NCAM2: variants seen among roughly 807,000 people sequenced by gnomAD.
NCAM2 encodes N-CAM-2.
A neutral mutation model predicts 98.1 loss-of-function variants in NCAM2; 30 were observed. The observed-to-expected ratio is 0.31, with a 90% confidence interval of 0.23 to 0.41. The LOEUF (loss-of-function observed/expected upper bound fraction) is 0.41, where lower values mean the gene tolerates loss of function less well. Ranked by LOEUF, NCAM2 falls within the 10% of genes least tolerant of loss-of-function variation. The pLI, the probability that NCAM2 is intolerant of heterozygous loss-of-function variation, is 1.00. For synonymous variants in NCAM2, 368 were observed against 342.4 expected (o/e 1.07, Z -0.83); for missense variants, 867 against 1,005.8 (o/e 0.86, Z 1.87).
intron 6 of NCAM2, among the ~76,000 whole-genome samples, chr21:21,331,134 T>A (rs879916163): frequency 6.6e-6 from 1 of 151,962 alleles, no homozygotes; most frequent in Non-Finnish European, 1.5e-5. Context: ...ACTGACTGAT[T>A]TTTCTCCCTC....
intron 5 of NCAM2, among the ~76,000 whole-genome samples, chr21:21,302,291 T>C (rs1282901060): frequency 2.0e-5 from 3 of 152,128 alleles, no homozygotes; most frequent in African/African-American, 7.2e-5. Flanking sequence ...TTAATTTTTG[T>C]ATCTGATGAA....
chr21:21,135,643 G>A (rs1253612721), intron 1 of NCAM2, among the ~76,000 whole-genome samples: 1 of 152,104 alleles, frequency 6.6e-6, no homozygotes, highest in Admixed American at 6.5e-5. Flanking sequence ...TCCTTGGAAT[G>A]CTTGTACTCT....
intron 1 of NCAM2, among the ~76,000 whole-genome samples, chr21:21,170,486 A>G (rs1432358602): frequency 2.6e-5 from 4 of 152,206 alleles, no homozygotes; most frequent in Admixed American, 6.5e-5. Flanking sequence ...CTACCTACAT[A>G]TGATTCCAAG....
At chr21:20,998,940 G>T (rs2146089632) in intron 1 of NCAM2, among the ~76,000 whole-genome samples, 1 of 152,078 alleles carries the variant, frequency 6.6e-6, no homozygotes, top group East Asian at 1.9e-4. Flanking sequence ...TCAGAAATTG[G>T]ATGAGTGTGT....
At chr21:21,480,360 C>G (rs1409417413) in intron 15 of NCAM2, among the ~76,000 whole-genome samples, 53 of 112,842 alleles carry the variant, frequency 4.7e-4, no homozygotes, top group Admixed American at 1.3e-3. Context: ...GAGCGAGACT[C>G]CATCTCAAAA....
intron 1 of NCAM2, among the ~76,000 whole-genome samples, chr21:21,075,036 A>G (rs923129947): frequency 2.6e-5 from 4 of 152,212 alleles, no homozygotes; most frequent in African/African-American, 9.6e-5. Flanking sequence ...TGTCCTTTGC[A>G]GGGACATAGA....
intron 12 of NCAM2, among the ~76,000 whole-genome samples, chr21:21,449,634 G>T (rs1045366223): frequency 2.0e-5 from 3 of 151,670 alleles, no homozygotes; most frequent in Non-Finnish European, 4.4e-5. Flanking sequence ...TTAACTTTTG[G>T]ATTATTAAAA....
chr21:21,219,258 G>T (rs1019066537), intron 1 of NCAM2, among the ~76,000 whole-genome samples: 1 of 152,126 alleles, frequency 6.6e-6, no homozygotes, highest in Non-Finnish European at 1.5e-5. Context: ...GAAGCCAGAA[G>T]ATTAGACACC....
chr21:21,238,895 G>A (rs1049755532), intron 1 of NCAM2, among the ~76,000 whole-genome samples: 5 of 152,078 alleles, frequency 3.3e-5, no homozygotes, highest in South Asian at 2.1e-4. Flanking sequence ...ATCACATGGC[G>A]TAATCTTCTC....
chr21:21,522,557 A>G (rs1473563766), intron 16 of NCAM2, among the ~76,000 whole-genome samples: 1 of 151,442 alleles, frequency 6.6e-6, no homozygotes, highest in Non-Finnish European at 1.5e-5. Flanking sequence ...ACAAACAAAA[A>G]TAGAGGGTAT....
chr21:21,253,993 G>T (rs570019053), intron 1 of NCAM2, among the ~76,000 whole-genome samples: 1 of 152,110 alleles, frequency 6.6e-6, no homozygotes, highest in Non-Finnish European at 1.5e-5. Flanking sequence ...ACCTATGGAG[G>T]ATGCCCAATT....
At chr21:21,447,454 A>G (rs556417246) in intron 12 of NCAM2, among the ~76,000 whole-genome samples, 1 of 152,328 alleles carries the variant, frequency 6.6e-6, no homozygotes, top group Admixed American at 6.5e-5. Context: ...ACCCTAGAAG[A>G]AAACCTAGGC....
intron 1 of NCAM2, among the ~76,000 whole-genome samples, chr21:21,049,095 T>G (rs2065056173): frequency 7.0e-6 from 1 of 143,198 alleles, no homozygotes; most frequent in Admixed American, 7.1e-5. Context: ...CTCGGCTCAC[T>G]GCAAGCTCCG....
rs1378695249 is a variant in NCAM2, at chr21:21,017,446, A to AAAAAAG, written c.55+18830_55+18831insAAAGAA. ...TCTCAAAAAAAAAAAAAAAAAAAAA[A>AAAAAAG]AAGAAATAGAAACGGGAACCAGAGT... On this transcript the variant is annotated intron_variant, in intron 1 of 17. Transcript: ENST00000400546. Among the ~76,000 whole-genome samples, 6 of 150,528 alleles carry AAAAAAG rather than the reference A, an allele frequency of 4.0e-5. No individual in the cohort carries two copies. In the South Asian group the frequency reaches 1.0e-3, roughly 26 times the overall value.
chr21:21,186,796 G>T (rs1340813533), intron 1 of NCAM2, among the ~76,000 whole-genome samples: 1 of 151,840 alleles, frequency 6.6e-6, no homozygotes, highest in African/African-American at 2.4e-5. Flanking sequence ...ATTGAAAAAA[G>T]AACAGAAAAA....
At chr21:21,003,643 A>G (rs2064060231) in intron 1 of NCAM2, among the ~76,000 whole-genome samples, 2 of 152,180 alleles carry the variant, frequency 1.3e-5, no homozygotes, top group African/African-American at 4.8e-5. Context: ...ATACAGATTA[A>G]TTTGTGGCTT....
At chr21:21,249,541 AC>A (rs1482569725) in intron 1 of NCAM2, among the ~76,000 whole-genome samples, 4 of 152,194 alleles carry the variant, frequency 2.6e-5, no homozygotes, top group African/African-American at 9.7e-5. Context: ...TCTTACAGCC[AC>A]CGTGTACTTC....
chr21:21,039,043 C>A (rs1348280054), intron 1 of NCAM2, among the ~76,000 whole-genome samples: 4 of 152,062 alleles, frequency 2.6e-5, no homozygotes, highest in African/African-American at 9.7e-5. Context: ...TTAATAATCC[C>A]CATAAAGAAA....
intron 1 of NCAM2, among the ~76,000 whole-genome samples, chr21:21,042,475 C>T (rs930037260): frequency 5.9e-5 from 9 of 152,096 alleles, no homozygotes; most frequent in African/African-American, 1.7e-4. Flanking sequence ...TGAACCACTG[C>T]GCCTGACCTT....
Sources: gnomAD v4.1 joint callset for allele counts (sites outside exome capture counted in the v4.1 genomes callset) on GRCh38, gnomAD v4.1.1 for gene constraint, MANE v1.5 for transcripts, NCBI Gene and HGNC (gene_info 2026-07-23, HGNC 2026-07-21) for gene names.